Variants in STARD3 observed in about 807,000 individuals in gnomAD.
The protein encoded by STARD3 is stAR-related lipid transfer protein 3.
Under a neutral mutation model 62.0 loss-of-function variants are expected in STARD3, and 39 were observed. The ratio of observed to expected loss-of-function variants is 0.63; its 90% CI spans 0.49 to 0.82. The LOEUF (loss-of-function observed/expected upper bound fraction) is 0.82, where lower values mean the gene tolerates loss of function less well. STARD3 is among the 40% of genes least tolerant of loss of function. The probability of loss-of-function intolerance (pLI) is 0.00; values close to 1 mark genes in which losing one functional copy is unlikely to be tolerated. For synonymous variants in STARD3, 229 were observed against 242.4 expected, an observed-to-expected ratio of 0.94 and a Z score of 0.51; for missense variants, 543 against 584.5, an observed-to-expected ratio of 0.93 and a Z score of 0.73.
chr17:39,653,603 C>T lies in STARD3; in HGVS notation c.72C>T (p.Ser24=), dbSNP rs1375333119. The T allele has an allele frequency of 6.2e-7, 1 of 1,612,656 alleles. No individual in the cohort carries two copies. Among genetic ancestry groups the T allele is most frequent in the Non-Finnish European group, 8.5e-7 (1 of 1,180,010 alleles). ...TGCCTGCCGTGGCCTCCCTGGGCTC[C>T]TCACTGTCCCACAGCCAGAGCCTCT... ...RSLPAVASLG[S]SLSHSQSLSS... is the part of the protein sequence containing the mutation. The change falls in exon 2 of 15, where the codon TCC becomes TCT. Residue 24 remains serine (S), a synonymous_variant. Coordinates refer to ENST00000336308, the MANE Select transcript of STARD3 (RefSeq NM_006804.4).
At chr17:39,654,025 C>G (rs2057103252) in intron 2 of STARD3, among the ~76,000 whole-genome samples, 1 of 152,238 alleles carries the variant, frequency 6.6e-6, no homozygotes, top group Admixed American at 6.5e-5. Flanking sequence ...CTCTTGGCCT[C>G]TGCCCCATAC....
chr17:39,637,373 C>T (rs2056940658), intron 1 of STARD3, 142 bp downstream of exon 1: 1 of 152,382 alleles, frequency 6.6e-6, no homozygotes, highest in Non-Finnish European at 1.5e-5. Flanking sequence ...CCGCCCCCTT[C>T]CTCTGTCTGG....
chr17:39,638,144 C>T (rs952077713), intron 1 of STARD3, among the ~76,000 whole-genome samples: 1 of 152,186 alleles, frequency 6.6e-6, no homozygotes, highest in Admixed American at 6.5e-5. Context: ...TTAAAAGTGA[C>T]CTAGTACTGC....
At chr17:39,659,396 A>C in intron 8 of STARD3, 65 bp from the exon 9 acceptor site, 1 of 1,492,888 alleles carries the variant, frequency 6.7e-7, no homozygotes, top group Admixed American at 1.7e-5. Context: ...GAGAGAGAAC[A>C]GGCCACGAAC....
In STARD3 at chr17:39,659,496, G is replaced by C. The variant is rs73296109; in HGVS notation, c.738G>C (p.Thr246=). The C allele has an allele frequency of 6.2e-6, 10 of 1,614,116 alleles. No individual in the cohort carries two copies. In the Middle Eastern group the frequency reaches 9.9e-4, roughly 160 times the overall value. ...ACATCCGCCAGGGGAAGGAGGCCACGGCAGTGGTGGACCAGATCTTGGCCC... is the reference window on the plus strand; with the variant it reads ...ACATCCGCCAGGGGAAGGAGGCCACCGCAGTGGTGGACCAGATCTTGGCCC... The part of the protein sequence containing the change: ...REYIRQGKEA[T]AVVDQILAQE... The change falls in exon 9 of 15, where the codon ACG becomes ACC. Residue 246 remains threonine (T), a synonymous_variant. Coordinates refer to ENST00000336308, the MANE Select transcript of STARD3 (RefSeq NM_006804.4).
chr17:39,644,672 C>T (rs75574157), intron 1 of STARD3, among the ~76,000 whole-genome samples: 1 of 112,506 alleles, frequency 8.9e-6, no homozygotes. Flanking sequence ...CCTGTCTCTA[C>T]AAAAAAAAAA....
rs1272146520 is a variant in STARD3 at position 39,661,056 on chromosome 17, T to G, written c.1110T>G (p.Ser370Arg). Residue 370 changes from serine (S) to arginine (R), a missense_variant, in exon 13 of 15, where the codon AGT (serine) becomes AGG (arginine). By Grantham distance (110) the Ser-to-Arg change is moderately radical. Transcript: ENST00000336308. Reference sequence around the variant, plus strand: ...CATCAGGGATCGCCACCTCACACAGTGCCAAGCCCCCGACGCACAAATATG... The same window carrying G: ...CATCAGGGATCGCCACCTCACACAGGGCCAAGCCCCCGACGCACAAATATG... Reference protein sequence around the residue: ...YLSSGIATSHSAKPPTHKYVR... With the variant: ...YLSSGIATSHRAKPPTHKYVR... 3 of 1,613,668 alleles carry G rather than the reference T, an allele frequency of 1.9e-6. No individual in the cohort carries two copies. Among genetic ancestry groups the G allele is most frequent in the Non-Finnish European group, 2.5e-6 (3 of 1,180,012 alleles).
intron 1 of STARD3, 184 bp from the exon 2 acceptor site, chr17:39,653,297 G>T: frequency 1.7e-6 from 1 of 591,882 alleles, no homozygotes; most frequent in Non-Finnish European, 3.0e-6. Context: ...GATAATTAGC[G>T]GAATGCTCAA....
intron 13 of STARD3, 92 bp downstream of exon 13, chr17:39,661,177 C>G (rs932928787): frequency 5.3e-5 from 62 of 1,171,050 alleles, no homozygotes; most frequent in Non-Finnish European, 6.3e-5. Flanking sequence ...CTGGGCACTT[C>G]CCCTGCTGAG....
chr17:39,646,228 T>C (rs938696412), intron 1 of STARD3, among the ~76,000 whole-genome samples: 8 of 152,068 alleles, frequency 5.3e-5, no homozygotes, highest in African/African-American at 1.7e-4. Flanking sequence ...ATACATAACA[T>C]AAAACTTACC....
intron 8 of STARD3, 107 bp downstream of exon 8, chr17:39,659,213 C>T (rs2057167120): frequency 1.4e-6 from 2 of 1,425,870 alleles, no homozygotes; most frequent in Non-Finnish European, 1.9e-6. Flanking sequence ...AGAGGCTGAA[C>T]CTCGGGCAAT....
chr17:39,637,798 C>T (rs1249223819), intron 1 of STARD3, among the ~76,000 whole-genome samples: 2 of 152,166 alleles, frequency 1.3e-5, no homozygotes, highest in African/African-American at 2.4e-5. Context: ...TGGTTTTCTT[C>T]GTACCGCTCT....
intron 13 of STARD3, among the ~76,000 whole-genome samples, chr17:39,661,698 C>T (rs750990160): frequency 1.3e-5 from 2 of 152,208 alleles, no homozygotes; most frequent in East Asian, 3.9e-4. Context: ...GAATAGGATG[C>T]CAGGCTCTGC....
In STARD3 at chr17:39,659,549, A is replaced by T. The variant is rs1567861015; in HGVS notation, c.791A>T (p.Asn264Ile). 1.2e-6 allele frequency: 2 copies of T among 1,613,930 alleles called. No individual in the cohort carries two copies. The highest frequency in any genetic ancestry group is 1.7e-6 in the Non-Finnish European group (2 of 1,179,956). ...AQEENWKFEK[N>I]NEYGDTVYTI... ...GAAGAGAACTGGAAGTTTGAGAAGA[A>T]TAATGTAAGAAGCCCTCTCCCACCT... The change falls in exon 9 of 15, where the codon AAT (asparagine) becomes ATT (isoleucine). Residue 264 changes from asparagine (N) to isoleucine (I), a missense_variant. By Grantham distance (149) the Asn-to-Ile change is moderately radical. Transcript: ENST00000336308.
Position 39,658,780 on chromosome 17 carries a change from G to A in STARD3, c.606G>A (p.Leu202=), listed in dbSNP as rs1468875862. The A allele has an allele frequency of 1.2e-6, 2 of 1,614,002 alleles. No individual in the cohort carries two copies. The highest frequency in any genetic ancestry group is 2.2e-5 in the East Asian group (1 of 44,860). ...GACCCCTGCTGTTCTCCGGTGCTCT[G>A]TCCGAGGGACAGTTCTATTCACCCC... is the stretch of plus-strand genomic sequence containing the variant. ...ARGPLLFSGA[L]SEGQFYSPPE... The change falls in exon 7 of 15, where the codon CTG becomes CTA. Residue 202 remains leucine (L), a synonymous_variant. Coordinates refer to ENST00000336308, the MANE Select transcript of STARD3 (RefSeq NM_006804.4).
chr17:39,649,494 G>T (rs1379277430), intron 1 of STARD3, among the ~76,000 whole-genome samples: 2 of 152,188 alleles, frequency 1.3e-5, no homozygotes, highest in Non-Finnish European at 2.9e-5. Context: ...GTGCTCACCA[G>T]GATATACTAT....
At chr17:39,648,120 C>G (rs2057043645) in intron 1 of STARD3, among the ~76,000 whole-genome samples, 2 of 152,066 alleles carry the variant, frequency 1.3e-5, no homozygotes, top group East Asian at 3.9e-4. Flanking sequence ...CCCATCTCCA[C>G]TAAAAATACA....
rs2057187272 is a variant in STARD3 at position 39,660,714 on chromosome 17, G to A, written c.955-96G>A. On this transcript the variant is annotated intron_variant, in intron 11 of 14. Transcript: ENST00000336308. The surrounding 1 kb of genome is among the most constrained non-coding windows in gnomAD (Gnocchi z 4.8). The stretch of plus-strand genomic sequence containing the variant: ...ATCAGGCGCTGCCCAGGGCCTGCCT[G>A]TGGCAATAGCAGTTAGTAAAGGGGC... 5.6e-6 allele frequency: 8 copies of A among 1,439,212 alleles called. No individual in the cohort carries two copies. Among genetic ancestry groups the A allele is most frequent in the Non-Finnish European group, 7.6e-6 (8 of 1,051,922 alleles). 89.2% of individuals were successfully genotyped at this position (1,439,212 alleles called of 1,614,324 possible). A position where few individuals can be genotyped will look rare whatever the true frequency, so the allele number is the denominator to read the frequency against.
At chr17:39,647,317 G>C (rs1343508828) in intron 1 of STARD3, among the ~76,000 whole-genome samples, 1 of 152,172 alleles carries the variant, frequency 6.6e-6, no homozygotes, top group Non-Finnish European at 1.5e-5. Context: ...ATCCCAGGCA[G>C]ACTCTTTCAC....
Sources: allele counts gnomAD v4.1 joint callset (sites outside exome capture counted in the v4.1 genomes callset), GRCh38; gene constraint gnomAD v4.1.1; non-coding constraint Gnocchi (gnomAD v3.1); transcripts MANE v1.5; gene names NCBI Gene and HGNC (gene_info 2026-07-23, HGNC 2026-07-21).